GRID2: variants seen among roughly 807,000 people sequenced by gnomAD.
The protein encoded by GRID2 is glutamate receptor ionotropic, delta-2.
GRID2 carries 33 observed loss-of-function variants against 114.8 expected under a neutral mutation model. The ratio of observed to expected loss-of-function variants is 0.29; its 90% CI spans 0.22 to 0.38. GRID2 has a LOEUF of 0.38. Among genes scored for constraint, GRID2 ranks in the 10% least tolerant of loss-of-function variants. GRID2 has a pLI of 1.00. For missense variants in GRID2, 1,184 were observed against 1,257.7 expected (o/e 0.94, Z 0.89); for synonymous variants, 505 against 449.9 (o/e 1.12, Z -1.55).
intron 4 of GRID2, among the ~76,000 whole-genome samples, chr4:93,138,961 C>T (rs1735514968): frequency 6.6e-6 from 1 of 152,184 alleles, no homozygotes; most frequent in Admixed American, 6.5e-5. Flanking sequence ...TCATCTCCTG[C>T]TATTCTTTCA....
intron 2 of GRID2, among the ~76,000 whole-genome samples, chr4:92,621,460 T>G (rs989107250): frequency 1.3e-5 from 2 of 151,792 alleles, no homozygotes; most frequent in African/African-American, 4.8e-5. Context: ...ATTATTTTGG[T>G]GTGGTTATTT....
intron 2 of GRID2, among the ~76,000 whole-genome samples, chr4:92,877,525 G>A (rs1417379019): frequency 6.6e-6 from 1 of 152,120 alleles, no homozygotes; most frequent in Non-Finnish European, 1.5e-5. Flanking sequence ...TCAAAATCTT[G>A]CCTTACTTCA....
Position 92,828,250 on chromosome 4 carries a change from A to G in GRID2, c.244+237964A>G, listed in dbSNP as rs958196066. On this transcript the variant is annotated intron_variant, in intron 2 of 15. Transcript: ENST00000282020. ...ACTCTTCTACCAGTCACTGGCAACCAAAGTTTATTAAGTTAAATTTATTCA... is the reference window on the plus strand; with the variant it reads ...ACTCTTCTACCAGTCACTGGCAACCGAAGTTTATTAAGTTAAATTTATTCA... Among the ~76,000 whole-genome samples, 26 of 152,226 alleles carry G rather than the reference A, an allele frequency of 1.7e-4. No homozygotes were observed. The South Asian group carries it at 3.1e-3, about 18-fold the overall frequency.
chr4:93,213,387 T>C (rs964471167), intron 5 of GRID2, among the ~76,000 whole-genome samples: 1 of 152,196 alleles, frequency 6.6e-6, no homozygotes, highest in Non-Finnish European at 1.5e-5. Context: ...ATCTTAATAC[T>C]AAAATCTTCT....
At chr4:93,534,818 C>T (rs974304824) in intron 13 of GRID2, among the ~76,000 whole-genome samples, 1 of 150,194 alleles carries the variant, frequency 6.7e-6, no homozygotes, top group African/African-American at 2.4e-5. Flanking sequence ...ACCAAGCTAA[C>T]TAACACACCC....
chr4:93,575,284 A>C (rs1736313756), intron 13 of GRID2, among the ~76,000 whole-genome samples: 1 of 152,098 alleles, frequency 6.6e-6, no homozygotes, highest in African/African-American at 2.4e-5. Context: ...TTTCATTTCT[A>C]TTACTTTGCT....
chr4:92,782,069 A>T (rs970776217), intron 2 of GRID2, among the ~76,000 whole-genome samples: 32 of 152,088 alleles, frequency 2.1e-4, no homozygotes, highest in Middle Eastern at 3.2e-3. Flanking sequence ...AATGAAAAGT[A>T]CATTGAAACA....
At chr4:93,209,522 T>C (rs190416022) in intron 5 of GRID2, among the ~76,000 whole-genome samples, 44 of 152,246 alleles carry the variant, frequency 2.9e-4, no homozygotes, top group African/African-American at 9.9e-4. Context: ...GTTGATTCCA[T>C]GTCATTCCTA....
At chr4:92,850,990 C>T (rs748315066) in intron 2 of GRID2, among the ~76,000 whole-genome samples, 1 of 151,844 alleles carries the variant, frequency 6.6e-6, no homozygotes, top group Non-Finnish European at 1.5e-5. Flanking sequence ...GAAAGTCAAA[C>T]GGTGAGAGAG....
intron 4 of GRID2, among the ~76,000 whole-genome samples, chr4:93,136,875 A>G (rs1321575825): frequency 1.3e-5 from 2 of 152,198 alleles, no homozygotes; most frequent in Non-Finnish European, 2.9e-5. Flanking sequence ...TCTTAAAGGC[A>G]AGGTAACTTA....
At chr4:93,581,797 A>C (rs986451560) in intron 13 of GRID2, among the ~76,000 whole-genome samples, 2 of 152,124 alleles carry the variant, frequency 1.3e-5, no homozygotes, top group Non-Finnish European at 2.9e-5. Flanking sequence ...TGCATTATTG[A>C]ATAATTTTAT....
In GRID2 at chr4:92,334,376, C is replaced by G. The variant is rs141504276; in HGVS notation, c.88+29632C>G. Among the ~76,000 whole-genome samples, 10 of 152,278 alleles carry G rather than the reference C, an allele frequency of 6.6e-5. No individual in the cohort carries two copies. In the East Asian group the frequency reaches 1.4e-3, roughly 21 times the overall value. On this transcript the variant is annotated intron_variant, in intron 1 of 15. Transcript: ENST00000282020. Reference sequence around the variant, plus strand: ...CTACTCCTTCAAATTCTTCCTGCCTCTATCCATTATCTAGTTCCAAAGTCA... The same window carrying G: ...CTACTCCTTCAAATTCTTCCTGCCTGTATCCATTATCTAGTTCCAAAGTCA...
chr4:92,800,331 GAA>G (rs780122156), intron 2 of GRID2, among the ~76,000 whole-genome samples: 2 of 149,884 alleles, frequency 1.3e-5, no homozygotes, highest in Non-Finnish European at 3.0e-5. Flanking sequence ...AGGAAGGAAA[GAA>G]AAAAAAGAAA....
chr4:93,445,498 G>T (rs529332657), intron 10 of GRID2, among the ~76,000 whole-genome samples: 1 of 151,890 alleles, frequency 6.6e-6, no homozygotes, highest in East Asian at 1.9e-4. Context: ...CCTATGTTTT[G>T]TAAATGGTAA....
At position 93,796,535 on chromosome 4, in the gene GRID2, T is replaced by TTTTG. The variant is rs138592743; in HGVS notation, c.222-10160_222-10157dup. Among the ~76,000 whole-genome samples, 29 of 150,876 alleles carry TTTTG rather than the reference T, an allele frequency of 1.9e-4. 1 individual carries two copies. The highest frequency in any genetic ancestry group is 5.8e-4 in the East Asian group (3 of 5,140). On this transcript the variant is annotated intron_variant, in intron 1 of 1. Coordinates refer to the GRID2 transcript ENST00000637838. ...GGAACCAGTCATGGAAATGTACTTCTTTTGTTTGTTTGTTTGTTTGTTTTT... is the reference window on the plus strand; with the variant it reads ...GGAACCAGTCATGGAAATGTACTTCTTTTGTTTGTTTGTTTGTTTGTTTGTTTTT...
rs113742107 is a variant in GRID2, at chr4:93,511,858, C to T, written c.1998-3358C>T. ...AGAGTGCAATGGTGCAATCTCAGCT[C>T]ACTGCAACCTCCATCTCTCGGGTTC... On this transcript the variant is annotated intron_variant, in intron 12 of 15. Transcript: ENST00000282020. 8.1e-3 allele frequency among the ~76,000 whole-genome samples: 1,218 copies of T among 150,972 alleles called. 16 individuals carry two copies. Among genetic ancestry groups the T allele is most frequent in the African/African-American group, 0.028 (1,166 of 41,092 alleles).
At chr4:92,555,971 T>G (rs1726830548) in intron 1 of GRID2, among the ~76,000 whole-genome samples, 1 of 152,140 alleles carries the variant, frequency 6.6e-6, no homozygotes. Flanking sequence ...ACCTTTTCCC[T>G]GCCTCCTTGA....
chr4:93,395,675 G>T lies in GRID2; in HGVS notation c.1314G>T (p.Met438Ile). ...CTGACAAGAAATTGGAGAATAACAT[G>T]CGTGGAGTGGTTCTACGTGTAGTAA... is the stretch of plus-strand genomic sequence containing the variant. ...SLTDKKLENN[M>I]RGVVLRVVTV... The change falls in exon 9 of 16, where the codon ATG becomes ATT. Residue 438 changes from methionine to isoleucine, a missense_variant. Coordinates refer to ENST00000282020, the MANE Select transcript of GRID2 (RefSeq NM_001510.4). The T allele has an allele frequency of 6.4e-7, 1 of 1,572,786 alleles. No individual in the cohort carries two copies. The highest frequency in any genetic ancestry group is 8.7e-7 in the Non-Finnish European group (1 of 1,142,914).
chr4:93,295,408 G>A (rs188560485), intron 8 of GRID2, among the ~76,000 whole-genome samples: 6 of 152,234 alleles, frequency 3.9e-5, no homozygotes, highest in South Asian at 4.1e-4. Context: ...TGTATCAATC[G>A]GGGTTCAACC....
Sources: gnomAD v4.1 joint callset for allele counts (sites outside exome capture counted in the v4.1 genomes callset) on GRCh38, gnomAD v4.1.1 for gene constraint, MANE v1.5 for transcripts, NCBI Gene and HGNC (gene_info 2026-07-23, HGNC 2026-07-21) for gene names.